RPL24: variants seen among roughly 807,000 people sequenced by gnomAD.
RPL24 encodes large ribosomal subunit protein eL24.
A neutral mutation model predicts 26.4 loss-of-function variants in RPL24; 7 were observed. The ratio of observed to expected loss-of-function variants is 0.27; its 90% CI spans 0.15 to 0.50. RPL24 has a LOEUF of 0.50. RPL24 is among the 20% of genes least tolerant of loss of function. The probability of loss-of-function intolerance (pLI) is 0.98; values close to 1 mark genes in which losing one functional copy is unlikely to be tolerated. For missense variants in RPL24, 109 were observed against 194.9 expected, an observed-to-expected ratio of 0.56 and a Z score of 2.62; for synonymous variants, 67 against 65.2, an observed-to-expected ratio of 1.03 and a Z score of -0.13.
intron 3 of RPL24, among the ~76,000 whole-genome samples, chr3:101,684,396 C>T (rs1313727928): frequency 1.3e-5 from 2 of 151,108 alleles, no homozygotes; most frequent in Non-Finnish European, 3.0e-5. Flanking sequence ...TCTTGAACTC[C>T]TGACCTGGTG....
intron 2 of RPL24, 178 bp downstream of exon 2, chr3:101,686,300 CAATA>C (rs1439885920): frequency 9.9e-6 from 6 of 604,782 alleles, no homozygotes; most frequent in Admixed American, 9.0e-5. Flanking sequence ...ACCTGGCTCA[CAATA>C]AATAATCAAC....
chr3:101,686,513 T>A lies in RPL24; in HGVS notation c.50A>T (p.His17Leu). Residue 17 changes from histidine to leucine, a missense_variant, in exon 2 of 6, where the codon CAC (histidine) becomes CTC (leucine). Transcript: ENST00000394077. The stretch of plus-strand genomic sequence containing the variant: ...GTCGGTCCTGGCGTAGCGCCTCCCG[T>A]GTCCGGGGTAGATCTTGTACCCGCT... ...SFSGYKIYPG[H>L]GRRYARTDGK... The A allele has an allele frequency of 6.2e-7, 1 of 1,614,216 alleles. No homozygotes were observed.
chr3:101,685,954 A>AT, intron 2 of RPL24, 26 bp from the exon 3 acceptor site: 1 of 1,388,964 alleles, frequency 7.2e-7, no homozygotes, highest in Non-Finnish European at 1.0e-6. Context: ...CAAAGGAATT[A>AT]CTATTTAACT....
At chr3:101,684,954 G>T (rs1263992378) in intron 3 of RPL24, among the ~76,000 whole-genome samples, 1 of 151,366 alleles carries the variant, frequency 6.6e-6, no homozygotes, top group Non-Finnish European at 1.5e-5. Context: ...CTAGAGTACA[G>T]CCGCTGCCAC....
chr3:101,683,750 C>T (rs1937293340), intron 3 of RPL24, among the ~76,000 whole-genome samples: 1 of 150,770 alleles, frequency 6.6e-6, no homozygotes. Context: ...GCTCTGTTGC[C>T]CAGGCTGGAG....
At chr3:101,686,296 C>G (rs1937340995) in intron 2 of RPL24, 186 bp downstream of exon 2, 2 of 602,090 alleles carry the variant, frequency 3.3e-6, no homozygotes, top group East Asian at 5.5e-5. Flanking sequence ...TCCGACCTGG[C>G]TCACAATAAA....
rs762315624 is a variant in RPL24, at chr3:101,682,465, C to T, written c.357G>A (p.Lys119=). 2 of 1,614,074 alleles carry T rather than the reference C, an allele frequency of 1.2e-6. No homozygotes were observed. The highest frequency in any genetic ancestry group is 1.7e-6 in the Non-Finnish European group (2 of 1,179,948). Residue 119 remains lysine (K), a synonymous_variant, in exon 5 of 6, where the codon AAG becomes AAA. Coordinates refer to ENST00000394077, the MANE Select transcript of RPL24 (RefSeq NM_000986.4). ...CCATTGCAGTCTTTTTAGATGCTTG[C>T]TTAGCCTTTTTTGCTTCCTTAGCAG... ...IRAAKEAKKA[K]QASKKTAMAA...
intron 4 of RPL24, 132 bp from the exon 5 acceptor site, chr3:101,682,624 C>G: frequency 1.7e-6 from 2 of 1,148,368 alleles, no homozygotes; most frequent in Non-Finnish European, 2.5e-6. Flanking sequence ...TATTTGTAGG[C>G]TAAATCCAAA....
intron 2 of RPL24, 157 bp from the exon 3 acceptor site, chr3:101,686,085 G>C: frequency 1.7e-6 from 1 of 602,090 alleles, no homozygotes; most frequent in Non-Finnish European, 3.0e-6. Flanking sequence ...ATAACTGGCA[G>C]GTAACTGTGT....
At position 101,681,165 on chromosome 3, in the gene RPL24, A is replaced by T; in HGVS notation, c.444T>A (p.Val148=). 1 of 1,613,806 alleles carries T rather than the reference A, an allele frequency of 6.2e-7. No homozygotes were observed. The highest frequency in any genetic ancestry group is 8.5e-7 in the Non-Finnish European group (1 of 1,179,732). ...GTTTTCCACCAACTCGGGGAGCTGA[A>T]ACTTTCACAGGCTTCACAATCTTTT... The part of the protein sequence containing the change: ...PKQKIVKPVK[V]SAPRVGGKR The change falls in exon 6 of 6, where the codon GTT becomes GTA. Residue 148 remains valine, a synonymous_variant. Transcript: ENST00000394077.
rs541594410 is a variant in RPL24, at chr3:101,684,678, C to T, written c.192+1140G>A. ...ATGTGCCTGTGGACCACGGGGTAGG[C>T]GGAGGTGGGAGGATCACTTGAGCCC... is the stretch of plus-strand genomic sequence containing the variant. On this transcript the variant is annotated intron_variant, in intron 3 of 5. Transcript: ENST00000394077. Among the ~76,000 whole-genome samples, 8 of 143,470 alleles carry T rather than the reference C, an allele frequency of 5.6e-5. No homozygotes were observed. In the East Asian group the frequency reaches 8.4e-4, roughly 15 times the overall value. 94.1% of individuals were successfully genotyped at this position (143,470 alleles called of 152,430 possible).
chr3:101,684,776 C>CCAAAAAAAAAAAAAAAAAAAAAAA (rs1205904118), intron 3 of RPL24, among the ~76,000 whole-genome samples: 1 of 53,216 alleles, frequency 1.9e-5, no homozygotes, highest in Non-Finnish European at 3.2e-5. Context: ...CCTGTCTCCC[C>CCAAAAAAAAAAAAAAAAAAAAAAA]AAAAAAAAAA....
In RPL24 at chr3:101,682,916, CAAAGAT is replaced by C. The variant is rs1559992689; in HGVS notation, c.193-15_193-10del. ...TTCTTTTGAATTTCTTCCTGCAAAA[CAAAGAT>C]GAGGGGCACACTTAGGAACCTTCCT... is the stretch of plus-strand genomic sequence containing the variant. On this transcript the variant is annotated splice_polypyrimidine_tract_variant and intron_variant, in intron 3 of 5. Transcript: ENST00000394077. The C allele has an allele frequency of 3.1e-6, 5 of 1,612,216 alleles. No individual in the cohort carries two copies. The highest frequency in any genetic ancestry group is 4.2e-6 in the Non-Finnish European group (5 of 1,178,894).
At chr3:101,682,353 A>G (rs764544056) in intron 5 of RPL24, 76 bp downstream of exon 5, 1 of 1,166,718 alleles carries the variant, frequency 8.6e-7, no homozygotes, top group Non-Finnish European at 1.3e-6. Flanking sequence ...CCTGGGCAAC[A>G]GAGCAAGACT....
At position 101,686,442 on chromosome 3, in the gene RPL24, G is replaced by C. The variant is rs140771671; in HGVS notation, c.81+40C>G. ...CGAATTAAACCAGCCTTTCCTCCTC[G>C]GAGTACAAGAAGGTAGGTGAAGCCG... On this transcript the variant is annotated intron_variant, in intron 2 of 5. Coordinates refer to ENST00000394077, the MANE Select transcript of RPL24 (RefSeq NM_000986.4). The C allele has an allele frequency of 3.3e-3, 5,199 of 1,574,540 alleles. 30 individuals are homozygous for C. Among genetic ancestry groups the C allele is most frequent in the Middle Eastern group, 0.016 (94 of 5,834 alleles).
chr3:101,686,454 G>A (rs947082715), intron 2 of RPL24, 28 bp downstream of exon 2: 11 of 1,603,948 alleles, frequency 6.9e-6, no homozygotes, highest in Middle Eastern at 3.3e-4. Flanking sequence ...AGTACAAGAA[G>A]GTAGGTGAAG....
chr3:101,681,305 G>C (rs1287065884), intron 5 of RPL24, 90 bp from the exon 6 acceptor site: 1 of 866,784 alleles, frequency 1.2e-6, no homozygotes, highest in Non-Finnish European at 1.9e-6. Flanking sequence ...ATGTAGCTTA[G>C]ATCACTTTCT....
chr3:101,682,677 A>G lies in RPL24; in HGVS notation c.329+94T>C, dbSNP rs144675201. 6,548 of 1,324,822 alleles carry G rather than the reference A, an allele frequency of 4.9e-3. 26 individuals are homozygous for G. Among genetic ancestry groups the G allele is most frequent in the Admixed American group, 6.9e-3 (325 of 47,210 alleles). The allele number at this position is 1,324,822 out of a possible 1,614,324, so 82.1% of individuals were successfully genotyped here. On this transcript the variant is annotated intron_variant, in intron 4 of 5. Coordinates refer to ENST00000394077, the MANE Select transcript of RPL24 (RefSeq NM_000986.4). ...TCATTAACCACCAAATCAGCTTAAC[A>G]TATATTAATCTATATGGTAACTTTA...
intron 3 of RPL24, among the ~76,000 whole-genome samples, chr3:101,683,940 G>A (rs1418491852): frequency 6.6e-6 from 1 of 152,054 alleles, no homozygotes; most frequent in African/African-American, 2.4e-5. Context: ...TCTAACGCCT[G>A]AGCTCAGGCA....
Sources: allele counts gnomAD v4.1 joint callset (sites outside exome capture counted in the v4.1 genomes callset), GRCh38; gene constraint gnomAD v4.1.1; transcripts MANE v1.5; gene names NCBI Gene and HGNC (gene_info 2026-07-23, HGNC 2026-07-21).